NR2C1: variants seen among roughly 807,000 people sequenced by gnomAD.
NR2C1 encodes nuclear receptor subfamily 2 group C member 1.
NR2C1 carries 33 observed loss-of-function variants against 74.8 expected under a neutral mutation model. The observed-to-expected ratio is 0.44, with a 90% CI of 0.33 to 0.59. The LOEUF (loss-of-function observed/expected upper bound fraction) is 0.59, where lower values mean the gene tolerates loss of function less well. Among genes scored for constraint, NR2C1 ranks in the 20% least tolerant of loss-of-function variants. The pLI is 0.02. For missense variants in NR2C1, 568 were observed against 715.6 expected (o/e 0.79, Z 2.35); for synonymous variants, 225 against 240.6 (o/e 0.94, Z 0.60).
At chr12:95,067,623 G>A (rs1428161339) in intron 1 of NR2C1, among the ~76,000 whole-genome samples, 1 of 151,250 alleles carries the variant, frequency 6.6e-6, no homozygotes, top group East Asian at 1.9e-4. Flanking sequence ...AGTGTAGGGG[G>A]CACCATCACG....
chr12:95,055,180 T>G (rs1873658901), intron 7 of NR2C1, among the ~76,000 whole-genome samples: 1 of 152,224 alleles, frequency 6.6e-6, no homozygotes, highest in African/African-American at 2.4e-5. Flanking sequence ...AACTTTCATC[T>G]TGTGACTTCA....
Position 95,057,720 on chromosome 12 carries a change from T to C in NR2C1, c.692+11A>G, listed in dbSNP as rs761186995. 1 of 1,613,468 alleles carries C rather than the reference T, an allele frequency of 6.2e-7. No individual in the cohort carries two copies. Among genetic ancestry groups the C allele is most frequent in the Non-Finnish European group, 8.5e-7 (1 of 1,179,700 alleles). Reference sequence around the variant, plus strand: ...AAAATGACCAGCTACTCAGTGTCTGTTTTACTTTACCTTGTACTTTCACTA... The same window carrying C: ...AAAATGACCAGCTACTCAGTGTCTGCTTTACTTTACCTTGTACTTTCACTA... On this transcript the variant is annotated intron_variant, in intron 6 of 13. Coordinates refer to ENST00000333003, the MANE Select transcript of NR2C1 (RefSeq NM_003297.4).
In NR2C1 at chr12:95,062,566, G is replaced by A; in HGVS notation, c.227C>T (p.Ala76Val). The A allele has an allele frequency of 6.2e-7, 1 of 1,613,756 alleles. No individual in the cohort carries two copies. ...AAAAAATAACTGGTTGACACCTGCT[G>A]CATCTGGAGTTGTAAGGAAAACTTT... is the stretch of plus-strand genomic sequence containing the variant. ...PGKVFLTTPD[A>V]AGVNQLFFTT... Residue 76 changes from alanine (A) to valine (V), a missense_variant, in exon 3 of 14, where the codon GCA becomes GTA. Around this residue, in one of 6 missense-constraint regions of NR2C1, gnomAD observed 128 missense variants for 118.9 expected, o/e 1.08. Coordinates refer to ENST00000333003, the MANE Select transcript of NR2C1 (RefSeq NM_003297.4).
rs1351177590 is a variant in NR2C1, at chr12:95,025,171, G to A, written c.1616C>T (p.Thr539Ile). 1 of 1,573,572 alleles carries A rather than the reference G, an allele frequency of 6.4e-7. No homozygotes were observed. The highest frequency in any genetic ancestry group is 1.4e-5 in the African/African-American group (1 of 73,922). ...ATACCTGTAGGTGTCATCTGGATAT[G>A]TTTTGGTTATATAATCTTGGAATTC... ...YVEFQDYITK[T>I]YPDDTYRLSR... The change falls in exon 13 of 14, where the codon ACA (threonine) becomes ATA (isoleucine). Residue 539 changes from threonine to isoleucine, a missense_variant. Transcript: ENST00000333003.
intron 7 of NR2C1, among the ~76,000 whole-genome samples, chr12:95,053,886 T>C (rs891046773): frequency 1.3e-4 from 20 of 152,118 alleles, no homozygotes; most frequent in Admixed American, 6.5e-5. Context: ...GGTTTCACTG[T>C]GTTAGCCAGG....
intron 7 of NR2C1, among the ~76,000 whole-genome samples, chr12:95,052,325 T>G (rs2136159163): frequency 6.6e-6 from 1 of 151,896 alleles, no homozygotes; most frequent in East Asian, 1.9e-4. Flanking sequence ...CCAACTAATT[T>G]TTTGTATTTT....
Position 95,040,540 on chromosome 12 carries a change from C to G in NR2C1, c.1189G>C (p.Ala397Pro), listed in dbSNP as rs1298076434. Residue 397 changes from alanine to proline, a missense_variant, in exon 10 of 14, where the codon GCC becomes CCC. By Grantham distance (27) the Ala-to-Pro change is conservative. This residue lies in a region of NR2C1 where 39 missense variants were observed against 64.6 expected (regional missense o/e 0.60). Coordinates refer to ENST00000333003, the MANE Select transcript of NR2C1 (RefSeq NM_003297.4). ...ATTGATAAGAACAGCAGTCTGGAGG[C>G]AGACTCCCCAATGTAGTGCACATTC... ...YLNVHYIGES[A>P]SRLLFLSMHW... The G allele has an allele frequency of 6.2e-7, 1 of 1,613,804 alleles. No homozygotes were observed. The highest frequency in any genetic ancestry group is 8.5e-7 in the Non-Finnish European group (1 of 1,179,842).
chr12:95,053,919 G>A (rs757196239), intron 7 of NR2C1, among the ~76,000 whole-genome samples: 1 of 151,994 alleles, frequency 6.6e-6, no homozygotes, highest in African/African-American at 2.4e-5. Flanking sequence ...TCCTGACCTC[G>A]TGATCTGCCC....
chr12:95,028,394 GAA>G lies in NR2C1; in HGVS notation c.1522_1523del (p.Phe508GlnfsTer35). 1 of 1,609,866 alleles carries G rather than the reference GAA, an allele frequency of 6.2e-7. No individual in the cohort carries two copies. The highest frequency in any genetic ancestry group is 8.5e-7 in the Non-Finnish European group (1 of 1,177,604). On this transcript the variant is annotated frameshift_variant, in exon 12 of 14. Coordinates refer to ENST00000333003, the MANE Select transcript of NR2C1 (RefSeq NM_003297.4). LOFTEE classifies it high-confidence loss of function. ...EYAYLKAIVL[F>X]SPDHPSLENM... ...AAGTAAATGTTTATATACCTGGACT[GAA>G]GAGTACTATTGCCTTCAGGTAGGCA...
chr12:95,053,934 T>C (rs1873451932), intron 7 of NR2C1, among the ~76,000 whole-genome samples: 1 of 152,034 alleles, frequency 6.6e-6, no homozygotes, highest in Non-Finnish European at 1.5e-5. Flanking sequence ...CTGCCCGCCT[T>C]GGCCTCCCAA....
rs760659397 is a variant in NR2C1 at position 95,049,116 on chromosome 12, G to A, written c.1083C>T (p.Tyr361=). Residue 361 remains tyrosine (Y), a synonymous_variant, in exon 9 of 14, where the codon TAC becomes TAT. Transcript: ENST00000333003. ...HLITGDSSIN[Y]TEKEGPLLSD... ...TGAGAAGTGGCCCCTCTTTTTCGGT[G>A]TAATTTATGCTTGAATCTCCAGTGA... The A allele has an allele frequency of 8.1e-6, 13 of 1,613,844 alleles. No homozygotes were observed. Among genetic ancestry groups the A allele is most frequent in the Middle Eastern group, 1.6e-4 (1 of 6,080 alleles).
intron 10 of NR2C1, among the ~76,000 whole-genome samples, chr12:95,039,549 A>C (rs1377747317): frequency 6.6e-6 from 1 of 152,212 alleles, no homozygotes; most frequent in African/African-American, 2.4e-5. Flanking sequence ...ATTTAAATAC[A>C]TTTGGCAAAC....
chr12:95,054,561 C>T (rs2136167095), intron 7 of NR2C1, among the ~76,000 whole-genome samples: 1 of 152,284 alleles, frequency 6.6e-6, no homozygotes, highest in Non-Finnish European at 1.5e-5. Flanking sequence ...ACTTCAGCCT[C>T]CTGAGCTGCT....
chr12:95,065,251 C>T (rs867612859), intron 2 of NR2C1, among the ~76,000 whole-genome samples: 4 of 151,856 alleles, frequency 2.6e-5, no homozygotes, highest in African/African-American at 4.8e-5. Flanking sequence ...GGTGCGATCT[C>T]GGCTCACTGC....
intron 10 of NR2C1, among the ~76,000 whole-genome samples, chr12:95,037,579 C>G (rs961544052): frequency 1.3e-5 from 2 of 152,132 alleles, no homozygotes; most frequent in African/African-American, 4.8e-5. Flanking sequence ...GACTTTGTCA[C>G]CAACTTTTAT....
At chr12:95,072,547 A>G (rs893139630) in intron 1 of NR2C1, 1 of 151,922 alleles carries the variant, frequency 6.6e-6, no homozygotes, top group African/African-American at 2.4e-5. Context: ...AGGTCCATTT[A>G]CAAATTCTAG....
At chr12:95,041,659 G>A (rs1871543232) in intron 9 of NR2C1, among the ~76,000 whole-genome samples, 1 of 152,114 alleles carries the variant, frequency 6.6e-6, no homozygotes, top group African/African-American at 2.4e-5. Context: ...TTACTGAAAT[G>A]ACCAATAGTA....
chr12:95,062,135 G>C (rs940194978), intron 3 of NR2C1, among the ~76,000 whole-genome samples: 20 of 152,188 alleles, frequency 1.3e-4, no homozygotes, highest in African/African-American at 4.8e-4. Context: ...TTATGAAGTA[G>C]GAGGTCTCTT....
At chr12:95,041,568 A>G (rs1187335625) in intron 9 of NR2C1, among the ~76,000 whole-genome samples, 2 of 152,216 alleles carry the variant, frequency 1.3e-5, no homozygotes, top group African/African-American at 4.8e-5. Context: ...TGGACATACT[A>G]CTAGTAAGTG....
Sources: allele counts gnomAD v4.1 joint callset (sites outside exome capture counted in the v4.1 genomes callset), GRCh38; gene constraint gnomAD v4.1.1; regional missense constraint gnomAD v4.1.1; transcripts MANE v1.5; gene names NCBI Gene and HGNC (gene_info 2026-07-23, HGNC 2026-07-21).